KANSL1: variants seen among roughly 807,000 people sequenced by gnomAD.
KANSL1 encodes MLL1/MLL complex subunit KANSL1.
In KANSL1, 22 loss-of-function variants were observed where a neutral mutation model predicts 103.6. The observed-to-expected ratio is 0.21, with a 90% CI of 0.15 to 0.30. The LOEUF (loss-of-function observed/expected upper bound fraction) is 0.30. Among genes scored for constraint, KANSL1 ranks in the 10% least tolerant of loss-of-function variants. The pLI is 1.00. For synonymous variants in KANSL1, 600 were observed against 527.6 expected, an observed-to-expected ratio of 1.14 and a Z score of -1.88; for missense variants, 1,337 against 1,399.8, an observed-to-expected ratio of 0.96 and a Z score of 0.72.
At chr17:46,124,235 T>C (rs184533205) in intron 2 of KANSL1, among the ~76,000 whole-genome samples, 34 of 152,348 alleles carry the variant, frequency 2.2e-4, no homozygotes, top group African/African-American at 6.7e-4. Flanking sequence ...CCCGTCTCTA[T>C]AAAATAAAAT....
chr17:46,157,959 T>C lies in KANSL1; in HGVS notation c.1289+12896A>G, dbSNP rs111712163. Among the ~76,000 whole-genome samples the C allele has an allele frequency of 6.6e-3, 1,005 of 152,356 alleles. 11 individuals are homozygous for C. Among genetic ancestry groups the C allele is most frequent in the African/African-American group, 0.02 (822 of 41,586 alleles). ...AAAAACATTTTCGCCCAGTTGGAAA[T>C]CTAGAGAAAGAATAGTTGTAGCAAT... On this transcript the variant is annotated intron_variant, in intron 2 of 14. Coordinates refer to ENST00000432791, the MANE Select transcript of KANSL1 (RefSeq NM_015443.4).
chr17:46,115,057 TTTTA>T (rs1287248946), intron 2 of KANSL1, among the ~76,000 whole-genome samples: 5 of 152,044 alleles, frequency 3.3e-5, no homozygotes, highest in Non-Finnish European at 5.9e-5. Flanking sequence ...TAAACCCAAG[TTTTA>T]TTTATTTATT....
At chr17:46,108,184 G>A (rs2042652733) in intron 2 of KANSL1, among the ~76,000 whole-genome samples, 4 of 152,088 alleles carry the variant, frequency 2.6e-5, no homozygotes, top group Admixed American at 6.6e-5. Flanking sequence ...TCCTGACAAC[G>A]ACCCTGTAAG....
intron 4 of KANSL1, among the ~76,000 whole-genome samples, chr17:46,068,225 G>C (rs2078452302): frequency 1.3e-5 from 2 of 152,150 alleles, no homozygotes; most frequent in South Asian, 4.1e-4. Context: ...AACTCTAACA[G>C]AGTATGCTAG....
Position 46,171,702 on chromosome 17 carries a change from C to T in KANSL1, c.442G>A (p.Ala148Thr), listed in dbSNP as rs140089320. 23 of 1,556,890 alleles carry T rather than the reference C, an allele frequency of 1.5e-5. No homozygotes were observed. In the African/African-American group the frequency reaches 2.8e-4, roughly 19 times the overall value. Reference sequence around the variant, plus strand: ...CCATTTACAGGTGCTTGTGGCAGAGCTGTCTGACCACTCGTATTCATGGTT... The same window carrying T: ...CCATTTACAGGTGCTTGTGGCAGAGTTGTCTGACCACTCGTATTCATGGTT... ...LRTMNTSGQT[A>T]LPQAPVNGLA... Residue 148 changes from alanine to threonine, a missense_variant, in exon 2 of 15, where the codon GCT (alanine) becomes ACT (threonine). Physicochemically the swap from Ala to Thr is moderately conservative, Grantham distance 58. Around this residue, in one of 2 missense-constraint regions of KANSL1, gnomAD observed 557 missense variants for 476.4 expected, o/e 1.17. Transcript: ENST00000432791.
chr17:46,174,820 T>G (rs569820700), intron 1 of KANSL1, among the ~76,000 whole-genome samples: 9 of 152,276 alleles, frequency 5.9e-5, no homozygotes, highest in African/African-American at 1.7e-4. Flanking sequence ...ACTATAGGTG[T>G]GTGCCACCAT....
Position 46,055,622 on chromosome 17 carries a change from A to C in KANSL1, c.1849-4918T>G, listed in dbSNP as rs992398181. Among the ~76,000 whole-genome samples, 6 of 152,266 alleles carry C rather than the reference A, an allele frequency of 3.9e-5. No homozygotes were observed. In the East Asian group the frequency reaches 1.2e-3, roughly 29 times the overall value. ...TAATAGACTTGAGGGGGGAGGGGAG[A>C]CAAGGCAAAGGGGATTTAAACAAAT... is the stretch of plus-strand genomic sequence containing the variant. On this transcript the variant is annotated intron_variant, in intron 6 of 14. Coordinates refer to ENST00000432791, the MANE Select transcript of KANSL1 (RefSeq NM_015443.4).
At chr17:46,044,945 T>G (rs1568381229) in intron 7 of KANSL1, 1 of 152,210 alleles carries the variant, frequency 6.6e-6, no homozygotes, top group African/African-American at 2.4e-5. Flanking sequence ...AACAATTTTC[T>G]GCCTTTATGT....
intron 2 of KANSL1, among the ~76,000 whole-genome samples, chr17:46,123,248 G>A (rs563274154): frequency 2.6e-5 from 4 of 152,246 alleles, no homozygotes; most frequent in South Asian, 2.1e-4. Flanking sequence ...GTGGCATTGC[G>A]CACTTGTAGT....
At chr17:46,074,224 C>G (rs1437087760) in intron 4 of KANSL1, among the ~76,000 whole-genome samples, 2 of 152,086 alleles carry the variant, frequency 1.3e-5, no homozygotes, top group Non-Finnish European at 2.9e-5. Context: ...TAAAAGGACA[C>G]AGGAGCCAAT....
chr17:46,092,956 G>T (rs2079468659), intron 3 of KANSL1: 1 of 152,108 alleles, frequency 6.6e-6, no homozygotes, highest in Non-Finnish European at 1.5e-5. Flanking sequence ...ATGAAATGTA[G>T]CAGTTTTATA....
chr17:46,168,969 T>C (rs568344491), intron 2 of KANSL1, among the ~76,000 whole-genome samples: 9 of 152,356 alleles, frequency 5.9e-5, no homozygotes, highest in Admixed American at 5.9e-4. Context: ...TTTCATTGGT[T>C]TGTAACGCTT....
chr17:46,083,238 CTT>C (rs1421431404), intron 3 of KANSL1, among the ~76,000 whole-genome samples: 1 of 152,184 alleles, frequency 6.6e-6, no homozygotes, highest in South Asian at 2.1e-4. Flanking sequence ...CAGAAGGTAT[CTT>C]ATTATTAAAA....
In KANSL1 at chr17:46,167,060, A is replaced by G. The variant is rs576374652; in HGVS notation, c.1289+3795T>C. On this transcript the variant is annotated intron_variant, in intron 2 of 14. Coordinates refer to ENST00000432791, the MANE Select transcript of KANSL1 (RefSeq NM_015443.4). ...ACAGAGAGAAAAAAAGAAAGGAAAA[A>G]AAAAAAAACTTAGGAGAGAGAGACC... Among the ~76,000 whole-genome samples, 10 of 151,586 alleles carry G rather than the reference A, an allele frequency of 6.6e-5. No homozygotes were observed. The South Asian group carries it at 2.1e-3, about 31-fold the overall frequency.
At chr17:46,035,896 T>C (rs1378687139) in intron 10 of KANSL1, 5 of 152,094 alleles carry the variant, frequency 3.3e-5, no homozygotes, top group Admixed American at 3.3e-4. Flanking sequence ...CCCCCTATTA[T>C]GTTAGCTACT....
intron 4 of KANSL1, among the ~76,000 whole-genome samples, chr17:46,078,093 ATAC>A (rs1789791662): frequency 1.3e-5 from 2 of 152,172 alleles, no homozygotes; most frequent in Admixed American, 6.6e-5. Flanking sequence ...TCTAGCAGGC[ATAC>A]TACTACTACC....
At chr17:46,062,940 C>T (rs1438733272) in intron 6 of KANSL1, among the ~76,000 whole-genome samples, 1 of 152,102 alleles carries the variant, frequency 6.6e-6, no homozygotes, top group African/African-American at 2.4e-5. Context: ...ACCCCAGCTA[C>T]TCGGGAGAAT....
At chr17:46,107,888 T>C (rs1419475716) in intron 2 of KANSL1, among the ~76,000 whole-genome samples, 1 of 152,172 alleles carries the variant, frequency 6.6e-6, no homozygotes, top group Non-Finnish European at 1.5e-5. Flanking sequence ...CCACCACCTC[T>C]ATCTCTCTCA....
intron 3 of KANSL1, among the ~76,000 whole-genome samples, chr17:46,092,533 T>C (rs1211575297): frequency 1.3e-5 from 2 of 152,196 alleles, no homozygotes; most frequent in Non-Finnish European, 2.9e-5. Flanking sequence ...GTAACTTAAA[T>C]AGTCAACAAA....
Sources: allele counts gnomAD v4.1 joint callset (sites outside exome capture counted in the v4.1 genomes callset), GRCh38; gene constraint gnomAD v4.1.1; regional missense constraint gnomAD v4.1.1; transcripts MANE v1.5; gene names NCBI Gene and HGNC (gene_info 2026-07-23, HGNC 2026-07-21).